DDHD1: variants seen among roughly 807,000 people sequenced by gnomAD.
DDHD1 encodes the protein phospholipase DDHD1.
In DDHD1, 49 loss-of-function variants were observed where a neutral mutation model predicts 96.4. That is an observed-to-expected ratio of 0.51 (90% confidence interval 0.40 to 0.64). DDHD1 has a LOEUF of 0.64. DDHD1 is among the 30% of genes least tolerant of loss of function. The probability of loss-of-function intolerance (pLI) is 0.00; values close to 1 mark genes in which losing one functional copy is unlikely to be tolerated. For missense variants in DDHD1, 1,106 were observed against 1,161.2 expected (o/e 0.95, Z 0.69); for synonymous variants, 442 against 446.5 (o/e 0.99, Z 0.13).
chr14:53,082,130 C>G (rs925307918), intron 4 of DDHD1, among the ~76,000 whole-genome samples: 1 of 152,208 alleles, frequency 6.6e-6, no homozygotes, highest in East Asian at 1.9e-4. Context: ...TGACCCATTA[C>G]TGTGCTGCTA....
intron 1 of DDHD1, among the ~76,000 whole-genome samples, chr14:53,149,034 G>A (rs1346819209): frequency 6.6e-6 from 1 of 152,134 alleles, no homozygotes; most frequent in East Asian, 1.9e-4. Context: ...ATGCAGCCAG[G>A]AGAATATCTA....
chr14:53,118,393 C>T (rs1888711674), intron 1 of DDHD1, among the ~76,000 whole-genome samples: 1 of 152,052 alleles, frequency 6.6e-6, no homozygotes, highest in Non-Finnish European at 1.5e-5. Flanking sequence ...TAACCCATCA[C>T]AAGAAAGCTA....
chr14:53,152,720 G>C lies in DDHD1; in HGVS notation c.379C>G (p.Pro127Ala), dbSNP rs765734579. 3.7e-6 allele frequency: 6 copies of C among 1,605,252 alleles called. No individual in the cohort carries two copies. In the Admixed American group the frequency reaches 8.4e-5, roughly 23 times the overall value. The part of the protein sequence containing the change: ...LHPPQQPPLV[P>A]TNSGGGGATG... ...GCGCCGCCGCCCCCCGAGTTCGTCG[G>C]GACCAGCGGAGGCTGCTGCGGCGGG... Residue 127 changes from proline (P) to alanine (A), a missense_variant, in exon 1 of 13, where the codon CCG becomes GCG. By Grantham distance (27) the Pro-to-Ala change is conservative. This residue lies in a region of DDHD1 where 456 missense variants were observed against 402.4 expected (regional missense o/e 1.13). Transcript: ENST00000673822.
intron 9 of DDHD1, among the ~76,000 whole-genome samples, chr14:53,057,034 T>C (rs1883113079): frequency 1.3e-5 from 2 of 152,206 alleles, no homozygotes. Flanking sequence ...ATCTACATCA[T>C]ACAGATAAGA....
intron 4 of DDHD1, among the ~76,000 whole-genome samples, chr14:53,075,654 A>G (rs1884892188): frequency 1.3e-5 from 2 of 152,296 alleles, no homozygotes; most frequent in African/African-American, 4.8e-5. Flanking sequence ...TGTAGACAAA[A>G]AAGCCTTTGG....
chr14:53,136,444 A>G (rs1230936012), intron 1 of DDHD1, among the ~76,000 whole-genome samples: 2 of 152,220 alleles, frequency 1.3e-5, no homozygotes, highest in African/African-American at 2.4e-5. Context: ...CAAGACCTAG[A>G]ATTTGTGAGG....
chr14:53,152,208 A>G lies in DDHD1; in HGVS notation c.838+53T>C, dbSNP rs962902634. 7 of 1,509,762 alleles carry G rather than the reference A, an allele frequency of 4.6e-6. No homozygotes were observed. The African/African-American group carries it at 9.7e-5, about 21-fold the overall frequency. 93.5% of individuals were successfully genotyped at this position (1,509,762 alleles called of 1,614,324 possible). Reference sequence around the variant, plus strand: ...CAGTCCCAAACCCACACCGGTGCGCATCGGCCCATGCAGGGGCAGCCCGTC... The same window carrying G: ...CAGTCCCAAACCCACACCGGTGCGCGTCGGCCCATGCAGGGGCAGCCCGTC... On this transcript the variant is annotated intron_variant, in intron 1 of 12. Transcript: ENST00000673822.
chr14:53,137,756 T>C (rs1045709170), intron 1 of DDHD1, among the ~76,000 whole-genome samples: 2 of 152,046 alleles, frequency 1.3e-5, no homozygotes, highest in African/African-American at 2.4e-5. Flanking sequence ...ATTTGGAGAA[T>C]AGCCAAATTT....
intron 5 of DDHD1, 26 bp from the exon 6 acceptor site, chr14:53,072,729 G>C: frequency 6.6e-7 from 1 of 1,521,632 alleles, no homozygotes; most frequent in Non-Finnish European, 9.0e-7. Flanking sequence ...AAAAAAGCAA[G>C]TTAACTTATA....
At chr14:53,151,037 T>G (rs763044280) in intron 1 of DDHD1, among the ~76,000 whole-genome samples, 11 of 152,224 alleles carry the variant, frequency 7.2e-5, no homozygotes, top group Non-Finnish European at 1.5e-4. Context: ...GGAATTGCTA[T>G]CTTAGTAAGT....
chr14:53,104,881 G>GA (rs1220564889), intron 1 of DDHD1, among the ~76,000 whole-genome samples: 1 of 151,950 alleles, frequency 6.6e-6, no homozygotes, highest in Non-Finnish European at 1.5e-5. Flanking sequence ...TATTTCAAGT[G>GA]AATTTAAAAC....
At chr14:53,087,911 G>A (rs567453076) in intron 4 of DDHD1, among the ~76,000 whole-genome samples, 2 of 152,010 alleles carry the variant, frequency 1.3e-5, no homozygotes, top group Admixed American at 6.6e-5. Context: ...TTGATAGACC[G>A]CTAGCAAGAC....
intron 1 of DDHD1, among the ~76,000 whole-genome samples, chr14:53,140,866 A>G (rs1303846304): frequency 6.6e-6 from 1 of 152,232 alleles, no homozygotes; most frequent in African/African-American, 2.4e-5. Context: ...AAGTAAAAGG[A>G]CAGGAAAAGA....
intron 4 of DDHD1, 109 bp downstream of exon 4, chr14:53,091,676 G>T: frequency 1.7e-6 from 2 of 1,177,024 alleles, no homozygotes; most frequent in Non-Finnish European, 1.2e-6. Context: ...AGAATAGTTG[G>T]CACTGGAGGA....
At chr14:53,118,437 C>G (rs910693737) in intron 1 of DDHD1, among the ~76,000 whole-genome samples, 1 of 152,098 alleles carries the variant, frequency 6.6e-6, no homozygotes, top group Non-Finnish European at 1.5e-5. Context: ...GAATGGCTAA[C>G]AAGAATAAAC....
chr14:53,111,841 T>C (rs970859050), intron 1 of DDHD1, among the ~76,000 whole-genome samples: 1 of 152,224 alleles, frequency 6.6e-6, no homozygotes, highest in Admixed American at 6.5e-5. Flanking sequence ...AAATGTAATA[T>C]TGTGGATAAT....
rs1891603107 is a variant in DDHD1 at position 53,153,220 on chromosome 14, G to T, written c.-122C>A. 2 of 911,216 alleles carry T rather than the reference G, an allele frequency of 2.2e-6. No individual in the cohort carries two copies. The highest frequency in any genetic ancestry group is 1.8e-5 in the African/African-American group (1 of 56,688). 56.4% of individuals were successfully genotyped at this position (911,216 alleles called of 1,614,324 possible). On this transcript the variant is annotated 5_prime_UTR_variant, in exon 1 of 13. Coordinates refer to ENST00000673822, the MANE Select transcript of DDHD1 (RefSeq NM_001160148.2). ...TTTCTAATCTTTCAAATCCCGACCC[G>T]AGCTGCGGCGGCAGCGGCGACCGCT...
chr14:53,103,986 T>C, intron 1 of DDHD1, 130 bp from the exon 2 acceptor site: 6 of 710,062 alleles, frequency 8.4e-6, no homozygotes, highest in African/African-American at 5.5e-5. Flanking sequence ...AATACAATCA[T>C]CTAAACTTTT....
At chr14:53,081,404 G>A (rs1264056509) in intron 4 of DDHD1, among the ~76,000 whole-genome samples, 1 of 152,044 alleles carries the variant, frequency 6.6e-6, no homozygotes, top group Admixed American at 6.6e-5. Context: ...AAATCATTGT[G>A]GCATAGTAAT....
Sources: allele counts gnomAD v4.1 joint callset (sites outside exome capture counted in the v4.1 genomes callset), GRCh38; gene constraint gnomAD v4.1.1; regional missense constraint gnomAD v4.1.1; transcripts MANE v1.5; gene names NCBI Gene and HGNC (gene_info 2026-07-23, HGNC 2026-07-21).